Variants in ADAMTS16 observed in about 807,000 individuals in gnomAD.
The protein encoded by ADAMTS16 is A disintegrin and metalloproteinase with thrombospondin motifs 16.
Under a neutral mutation model 145.8 loss-of-function variants are expected in ADAMTS16, and 94 were observed. The ratio of observed to expected loss-of-function variants is 0.64; its 90% confidence interval spans 0.55 to 0.77. The LOEUF is 0.77. ADAMTS16 is among the 30% of genes least tolerant of loss of function. The probability of loss-of-function intolerance (pLI) is 0.00; values close to 1 mark genes in which losing one functional copy is unlikely to be tolerated. For missense variants in ADAMTS16, 1,585 were observed against 1,591.5 expected (o/e 1.00, Z 0.07); for synonymous variants, 659 against 604.3 (o/e 1.09, Z -1.33).
At chr5:5,166,867 G>A (rs541132135) in intron 3 of ADAMTS16, among the ~76,000 whole-genome samples, 20 of 152,300 alleles carry the variant, frequency 1.3e-4, no homozygotes, top group African/African-American at 3.6e-4. Flanking sequence ...TGGCTGCCAC[G>A]TGGAACTGCA....
At position 5,177,057 on chromosome 5, in the gene ADAMTS16, C is replaced by T. The variant is rs374214697; in HGVS notation, c.502-4987C>T. Among the ~76,000 whole-genome samples the T allele has an allele frequency of 7.9e-5, 12 of 152,360 alleles. No individual in the cohort carries two copies. In the East Asian group the frequency reaches 2.3e-3, roughly 29 times the overall value. On this transcript the variant is annotated intron_variant, in intron 3 of 22. Transcript: ENST00000274181. ...GCTTCTCCTTCGTCCAGCCCTGCCT[C>T]ACCCTTGCCTCCTCTCCTCCTCATG...
At chr5:5,218,036 C>A (rs73735750) in intron 10 of ADAMTS16, among the ~76,000 whole-genome samples, 2,616 of 152,158 alleles carry the variant, frequency 0.017, 76 homozygotes, top group African/African-American at 0.058. Context: ...ACTCTAGAAC[C>A]GTGATTTAAT....
intron 22 of ADAMTS16, 137 bp from the exon 23 acceptor site, chr5:5,318,886 C>G (rs1304407718): frequency 2.7e-5 from 17 of 635,720 alleles, no homozygotes; most frequent in Non-Finnish European, 4.2e-5. Context: ...GGACCCCCAT[C>G]AGACCTGGGG....
chr5:5,177,571 C>G (rs1393396093), intron 3 of ADAMTS16, among the ~76,000 whole-genome samples: 1 of 152,022 alleles, frequency 6.6e-6, no homozygotes, highest in Non-Finnish European at 1.5e-5. Flanking sequence ...CATATAATCA[C>G]ACAACAAGAA....
intron 17 of ADAMTS16, among the ~76,000 whole-genome samples, chr5:5,246,870 G>A (rs539479514): frequency 1.3e-5 from 2 of 152,306 alleles, no homozygotes; most frequent in African/African-American, 2.4e-5. Context: ...GCAGTCTGGA[G>A]CAAGGAGTTA....
intron 18 of ADAMTS16, among the ~76,000 whole-genome samples, chr5:5,284,848 T>A (rs1739049093): frequency 6.6e-6 from 1 of 152,208 alleles, no homozygotes; most frequent in African/African-American, 2.4e-5. Context: ...GTTTCTTTTT[T>A]CCCAACTCAT....
Position 5,224,579 on chromosome 5 carries a change from A to T in ADAMTS16, c.1701+1695A>T, listed in dbSNP as rs2913614. Among the ~76,000 whole-genome samples, 28 of 152,322 alleles carry T rather than the reference A, an allele frequency of 1.8e-4. No individual in the cohort carries two copies. In the South Asian group the frequency reaches 4.4e-3, roughly 24 times the overall value. On this transcript the variant is annotated intron_variant, in intron 11 of 22. Coordinates refer to ENST00000274181, the MANE Select transcript of ADAMTS16 (RefSeq NM_139056.4). ...GCTGGGATTACAGGTGTGAGCCACC[A>T]CATCCGGCCAACTGCTTTCAGTTTC...
At chr5:5,232,294 T>C (rs1288895419) in intron 11 of ADAMTS16, 74 bp from the exon 12 acceptor site, 17 of 1,578,260 alleles carry the variant, frequency 1.1e-5, no homozygotes, top group African/African-American at 1.3e-5. Context: ...TGCTCAGCCT[T>C]ATAGCAGTGA....
intron 10 of ADAMTS16, among the ~76,000 whole-genome samples, chr5:5,212,606 C>G (rs1736306568): frequency 6.6e-6 from 1 of 152,122 alleles, no homozygotes; most frequent in South Asian, 2.1e-4. Context: ...ATAGCCACAT[C>G]AGCTCACTTA....
chr5:5,302,130 G>A (rs1739806242), intron 18 of ADAMTS16, among the ~76,000 whole-genome samples: 1 of 152,120 alleles, frequency 6.6e-6, no homozygotes, highest in African/African-American at 2.4e-5. Flanking sequence ...TGCACACCAA[G>A]CCCTCCTGCA....
At chr5:5,253,248 A>C (rs1351501582) in intron 17 of ADAMTS16, among the ~76,000 whole-genome samples, 1 of 152,230 alleles carries the variant, frequency 6.6e-6, no homozygotes, top group African/African-American at 2.4e-5. Flanking sequence ...ACTTTTGTAC[A>C]TTTTTAGGGA....
At chr5:5,145,085 G>T (rs994855031) in intron 2 of ADAMTS16, among the ~76,000 whole-genome samples, 1 of 152,170 alleles carries the variant, frequency 6.6e-6, no homozygotes, top group African/African-American at 2.4e-5. Flanking sequence ...TGAACGCGGA[G>T]ATTATGAGCC....
intron 3 of ADAMTS16, among the ~76,000 whole-genome samples, chr5:5,173,473 A>G (rs898280005): frequency 1.4e-5 from 2 of 146,544 alleles, no homozygotes; most frequent in Non-Finnish European, 3.0e-5. Context: ...ATAACTCATT[A>G]CTTTTTTTTT....
chr5:5,249,764 C>A (rs1297205351), intron 17 of ADAMTS16, among the ~76,000 whole-genome samples: 1 of 152,214 alleles, frequency 6.6e-6, no homozygotes, highest in Non-Finnish European at 1.5e-5. Flanking sequence ...CAGCCTTTTA[C>A]ACCCTGCCCT....
At chr5:5,178,027 A>C (rs555262434) in intron 3 of ADAMTS16, among the ~76,000 whole-genome samples, 2 of 152,282 alleles carry the variant, frequency 1.3e-5, no homozygotes, top group African/African-American at 4.8e-5. Flanking sequence ...GTTTCTATGA[A>C]TCTCAGCAGA....
intron 17 of ADAMTS16, among the ~76,000 whole-genome samples, chr5:5,246,804 G>A (rs1225746207): frequency 6.6e-6 from 1 of 152,194 alleles, no homozygotes; most frequent in Admixed American, 6.5e-5. Flanking sequence ...GCTATGCTGA[G>A]TTCGGAGTGT....
At chr5:5,300,411 C>T (rs538351361) in intron 18 of ADAMTS16, among the ~76,000 whole-genome samples, 3 of 152,180 alleles carry the variant, frequency 2.0e-5, no homozygotes, top group Admixed American at 6.5e-5. Context: ...CCACTAATCT[C>T]GTTGACACTG....
chr5:5,312,240 C>G (rs1740483561), intron 21 of ADAMTS16, among the ~76,000 whole-genome samples: 1 of 152,088 alleles, frequency 6.6e-6, no homozygotes, highest in Non-Finnish European at 1.5e-5. Flanking sequence ...GCAGCTTTTT[C>G]ATTTAGAAAT....
Position 5,155,633 on chromosome 5 carries a change from G to A in ADAMTS16, c.501+9178G>A, listed in dbSNP as rs890169103. Among the ~76,000 whole-genome samples the A allele has an allele frequency of 7.9e-5, 12 of 152,294 alleles. 1 individual carries two copies. The East Asian group carries it at 1.2e-3, about 15-fold the overall frequency. On this transcript the variant is annotated intron_variant, in intron 3 of 22. Transcript: ENST00000274181. ...AGGAGCTAGCTGGTGCTAGGACTCT[G>A]AGGGAGAACAGTGTAGCTGGTTCTT...
Sources: allele counts gnomAD v4.1 joint callset (sites outside exome capture counted in the v4.1 genomes callset), GRCh38; gene constraint gnomAD v4.1.1; transcripts MANE v1.5; gene names NCBI Gene and HGNC (gene_info 2026-07-23, HGNC 2026-07-21).